ZNF438: variants seen among roughly 807,000 people sequenced by gnomAD.
The protein encoded by ZNF438 is zinc finger protein 438.
ZNF438 carries 25 observed loss-of-function variants against 38.0 expected under a neutral mutation model. The observed-to-expected ratio is 0.66, with a 90% CI of 0.48 to 0.92. The LOEUF (loss-of-function observed/expected upper bound fraction) is 0.92. Ranked by LOEUF, ZNF438 falls within the 40% of genes least tolerant of loss-of-function variation. The probability of loss-of-function intolerance (pLI) is 0.00; values close to 1 mark genes in which losing one functional copy is unlikely to be tolerated. For synonymous variants in ZNF438, 372 were observed against 364.1 expected (o/e 1.02, Z -0.25); for missense variants, 1,007 against 999.6 (o/e 1.01, Z -0.10).
intron 1 of ZNF438, among the ~76,000 whole-genome samples, chr10:30,945,201 G>T (rs2047246368): frequency 6.6e-6 from 1 of 151,732 alleles, no homozygotes; most frequent in African/African-American, 2.4e-5. Flanking sequence ...GGCTCTGTTA[G>T]TATCAGGCTT....
At chr10:31,023,494 GA>G (rs2056746694) in intron 1 of ZNF438, among the ~76,000 whole-genome samples, 1 of 152,182 alleles carries the variant, frequency 6.6e-6, no homozygotes, top group South Asian at 2.1e-4. Flanking sequence ...TTGATAGACA[GA>G]AAACAAGTGA....
At chr10:30,928,156 A>G (rs989913842) in intron 2 of ZNF438, among the ~76,000 whole-genome samples, 2 of 152,234 alleles carry the variant, frequency 1.3e-5, no homozygotes, top group Admixed American at 1.3e-4. Context: ...CAAAATGTCA[A>G]TACTTTTATA....
chr10:30,993,770 A>G (rs570512648), intron 1 of ZNF438, among the ~76,000 whole-genome samples: 91 of 152,386 alleles, frequency 6.0e-4, no homozygotes, highest in Non-Finnish European at 1.1e-3. Flanking sequence ...TGCGAAAGCC[A>G]CAGGCACCCA....
At chr10:30,911,005 C>T (rs1212600612) in intron 2 of ZNF438, among the ~76,000 whole-genome samples, 1 of 152,008 alleles carries the variant, frequency 6.6e-6, no homozygotes, top group African/African-American at 2.4e-5. Context: ...AAAATAAATA[C>T]ATATAATGTT....
intron 4 of ZNF438, among the ~76,000 whole-genome samples, chr10:30,851,712 C>T (rs1387515652): frequency 2.0e-5 from 3 of 152,126 alleles, no homozygotes; most frequent in Non-Finnish European, 4.4e-5. Flanking sequence ...TATTTCAGTT[C>T]AAGTTTTTGC....
At chr10:30,895,429 T>C (rs552617625) in intron 3 of ZNF438, among the ~76,000 whole-genome samples, 2 of 152,288 alleles carry the variant, frequency 1.3e-5, no homozygotes, top group Non-Finnish European at 2.9e-5. Flanking sequence ...AGTTTGGGTG[T>C]TTGGAGATGA....
rs755614100 is a variant in ZNF438, at chr10:30,849,833, G to A, written c.572C>T (p.Thr191Ile). ...GTCACTTCCATTGGTCAGCGCAGCT[G>A]TGCTAATGCTGGCTGGGGCTTGCTC... Residue 191 changes from threonine (T) to isoleucine (I), a missense_variant, in exon 5 of 6, where the codon ACA (threonine) becomes ATA (isoleucine). Thr to Ile is a moderately conservative substitution (Grantham distance 89, BLOSUM62 -1). Coordinates refer to ENST00000413025, the Ensembl canonical transcript of ZNF438. 6.2e-7 allele frequency: 1 copy of A among 1,614,164 alleles called. No homozygotes were observed. Among genetic ancestry groups the A allele is most frequent in the Non-Finnish European group, 8.5e-7 (1 of 1,180,032 alleles).
intron 5 of ZNF438, 143 bp from the exon 7 acceptor site, chr10:30,845,716 A>C (rs1358607571): frequency 2.1e-6 from 2 of 965,274 alleles, no homozygotes; most frequent in African/African-American, 3.3e-5. Flanking sequence ...AGCACCTGGG[A>C]AGACCTTCTG....
At chr10:30,997,434 C>T (rs184487102) in intron 1 of ZNF438, among the ~76,000 whole-genome samples, 7 of 152,130 alleles carry the variant, frequency 4.6e-5, no homozygotes, top group African/African-American at 1.4e-4. Context: ...TGAAAATGAA[C>T]GCAAAAAGAA....
chr10:30,981,320 T>C (rs926470192), intron 1 of ZNF438, among the ~76,000 whole-genome samples: 2 of 152,184 alleles, frequency 1.3e-5, no homozygotes, highest in African/African-American at 2.4e-5. Flanking sequence ...TGTGATCAGA[T>C]ATTCTTACCT....
intron 1 of ZNF438, among the ~76,000 whole-genome samples, chr10:31,005,413 T>C (rs144454657): frequency 0.01 from 1,523 of 151,866 alleles, 21 homozygotes; most frequent in African/African-American, 0.034. Context: ...ACACAGAAAA[T>C]GCATGATTTC....
Position 30,988,584 on chromosome 10 carries a change from G to A in ZNF438, c.-192+43249C>T, listed in dbSNP as rs2053118696. Among the ~76,000 whole-genome samples, 5 of 151,928 alleles carry A rather than the reference G, an allele frequency of 3.3e-5. No homozygotes were observed. The South Asian group carries it at 1.0e-3, about 32-fold the overall frequency. ...AATTATAGCTAAGAAACTAAATAAT[G>A]TAAGCTTTTACTGAGAATTATATTT... On this transcript the variant is annotated intron_variant, in intron 1 of 5. Coordinates refer to ENST00000413025, the Ensembl canonical transcript of ZNF438.
chr10:30,911,412 A>G (rs1392934651), intron 2 of ZNF438, among the ~76,000 whole-genome samples: 1 of 152,196 alleles, frequency 6.6e-6, no homozygotes, highest in Non-Finnish European at 1.5e-5. Flanking sequence ...CAATAAAATA[A>G]TTTAAATCAC....
At chr10:30,873,505 A>G (rs1366161518) in intron 4 of ZNF438, among the ~76,000 whole-genome samples, 1 of 152,198 alleles carries the variant, frequency 6.6e-6, no homozygotes, top group Admixed American at 6.5e-5. Context: ...ACTTGTACAT[A>G]TATGTTAATA....
At chr10:30,909,530 G>C (rs190962808) in intron 2 of ZNF438, among the ~76,000 whole-genome samples, 1 of 152,242 alleles carries the variant, frequency 6.6e-6, no homozygotes, top group Non-Finnish European at 1.5e-5. Context: ...TAAATCTCAG[G>C]AAATAACTTT....
chr10:31,032,096 C>T (rs950133698), upstream of ZNF438, among the ~76,000 whole-genome samples: 7 of 152,348 alleles, frequency 4.6e-5, no homozygotes, highest in Admixed American at 2.0e-4. Flanking sequence ...GCGGCGACTG[C>T]TCTACCAAAG....
rs186819424 is a variant in ZNF438 at position 30,918,449 on chromosome 10, G to T, written c.-114-9434C>A. On this transcript the variant is annotated intron_variant, in intron 2 of 5. Coordinates refer to ENST00000413025, the Ensembl canonical transcript of ZNF438. ...TAATTTTTCTCAGTATAGTTTTGTTGTTCTTACAGATTTTGCATGTCTTTT... is the reference window on the plus strand; with the variant it reads ...TAATTTTTCTCAGTATAGTTTTGTTTTTCTTACAGATTTTGCATGTCTTTT... Among the ~76,000 whole-genome samples the T allele has an allele frequency of 1.4e-4, 21 of 151,972 alleles. No homozygotes were observed. In the East Asian group the frequency reaches 3.7e-3, roughly 27 times the overall value.
chr10:31,017,221 T>C (rs951520601), intron 1 of ZNF438, among the ~76,000 whole-genome samples: 2 of 152,234 alleles, frequency 1.3e-5, no homozygotes, highest in African/African-American at 4.8e-5. Flanking sequence ...AGAAGGCAAG[T>C]CCCTTGGTTC....
chr10:30,958,394 A>C (rs1406491873), intron 1 of ZNF438, among the ~76,000 whole-genome samples: 1 of 147,248 alleles, frequency 6.8e-6, no homozygotes, highest in Non-Finnish European at 1.5e-5. Flanking sequence ...CTTGTGAACA[A>C]CAGAAAAGAA....
Sources: allele counts gnomAD v4.1 joint callset (sites outside exome capture counted in the v4.1 genomes callset), GRCh38; gene constraint gnomAD v4.1.1; transcripts MANE v1.5; gene names NCBI Gene and HGNC (gene_info 2026-07-23, HGNC 2026-07-21).